The following CNTNAP2 variants were observed in gnomAD, a reference collection of about 807,000 sequenced individuals.
CNTNAP2 encodes the protein contactin-associated protein-like 2.
Under a neutral mutation model 155.2 loss-of-function variants are expected in CNTNAP2, and 98 were observed. The observed-to-expected ratio is 0.63, with a 90% confidence interval of 0.54 to 0.75. CNTNAP2 has a LOEUF of 0.75. Among genes scored for constraint, CNTNAP2 ranks in the 30% least tolerant of loss-of-function variants. CNTNAP2 has a pLI of 0.00. For missense variants in CNTNAP2, 1,727 were observed against 1,688.1 expected (o/e 1.02, Z -0.40); for synonymous variants, 651 against 631.2 (o/e 1.03, Z -0.47).
chr7:147,896,579 C>G (rs1294749656), intron 13 of CNTNAP2, among the ~76,000 whole-genome samples: 1 of 152,152 alleles, frequency 6.6e-6, no homozygotes, highest in East Asian at 1.9e-4. Flanking sequence ...GGAGTCGAAG[C>G]TGTCTTCTTG....
chr7:147,598,769 A>T (rs1800879535), intron 12 of CNTNAP2, among the ~76,000 whole-genome samples: 1 of 152,096 alleles, frequency 6.6e-6, no homozygotes, highest in East Asian at 1.9e-4. Flanking sequence ...AGTGGGAGTT[A>T]ATTGAATCAT....
chr7:146,657,091 T>C (rs1800008500), intron 1 of CNTNAP2, among the ~76,000 whole-genome samples: 1 of 152,202 alleles, frequency 6.6e-6, no homozygotes, highest in African/African-American at 2.4e-5. Flanking sequence ...TCTCTGTGTG[T>C]GTGAATACAT....
chr7:147,132,566 A>C, intron 8 of CNTNAP2, 57 bp downstream of exon 8: 2 of 1,607,972 alleles, frequency 1.2e-6, no homozygotes, highest in African/African-American at 1.3e-5. Flanking sequence ...TCCAGAGTTA[A>C]TGTTGTGCTT....
At chr7:146,265,380 G>C (rs1157136712) in intron 1 of CNTNAP2, among the ~76,000 whole-genome samples, 2 of 151,786 alleles carry the variant, frequency 1.3e-5, no homozygotes, top group Non-Finnish European at 2.9e-5. Context: ...CAACAGAGTT[G>C]GAAATTGTTG....
At chr7:147,126,306 C>T (rs1801233754) in intron 6 of CNTNAP2, among the ~76,000 whole-genome samples, 1 of 151,968 alleles carries the variant, frequency 6.6e-6, no homozygotes. Flanking sequence ...TCTTTAGAGG[C>T]AAGGTTATTG....
At chr7:148,293,400 G>A (rs1415227194) in intron 21 of CNTNAP2, among the ~76,000 whole-genome samples, 2 of 152,106 alleles carry the variant, frequency 1.3e-5, no homozygotes, top group African/African-American at 2.4e-5. Flanking sequence ...TCGGATTAAT[G>A]GTAATAGATG....
chr7:146,354,411 ATTTTTTT>A (rs10641636), intron 1 of CNTNAP2, among the ~76,000 whole-genome samples: 1 of 135,346 alleles, frequency 7.4e-6, no homozygotes, highest in East Asian at 2.2e-4. Flanking sequence ...TCTTGTTAGT[ATTTTTTT>A]TTTTTTTTTT....
intron 15 of CNTNAP2, among the ~76,000 whole-genome samples, chr7:148,085,333 A>G (rs907481436): frequency 2.6e-5 from 4 of 152,188 alleles, no homozygotes; most frequent in African/African-American, 9.7e-5. Context: ...TTGAGCTTCA[A>G]ATGTGAATTT....
intron 9 of CNTNAP2, among the ~76,000 whole-genome samples, chr7:147,369,671 G>T (rs1230224602): frequency 6.6e-6 from 1 of 152,124 alleles, no homozygotes; most frequent in African/African-American, 2.4e-5. Context: ...TGTAAATGAG[G>T]GAACATACTC....
At chr7:147,392,321 T>C (rs1291695251) in intron 9 of CNTNAP2, among the ~76,000 whole-genome samples, 1 of 151,912 alleles carries the variant, frequency 6.6e-6, no homozygotes, top group East Asian at 1.9e-4. Context: ...TTCTTTTTTT[T>C]TTTGGTACTA....
At chr7:148,383,923 A>C in intron 22 of CNTNAP2, 35 bp downstream of exon 22, 1 of 1,597,542 alleles carries the variant, frequency 6.3e-7, no homozygotes. Context: ...AGGTTGCTTC[A>C]TTTCTTTAAA....
At chr7:148,043,147 G>A (rs1802709231) in intron 15 of CNTNAP2, among the ~76,000 whole-genome samples, 1 of 152,120 alleles carries the variant, frequency 6.6e-6, no homozygotes. Context: ...CCACCTCCCA[G>A]TGAGTCACAG....
intron 21 of CNTNAP2, among the ~76,000 whole-genome samples, chr7:148,326,161 T>G (rs1407484508): frequency 5.9e-5 from 9 of 152,140 alleles, no homozygotes; most frequent in Non-Finnish European, 8.8e-5. Flanking sequence ...TTAAGTTCTC[T>G]GGGTGATTGT....
At chr7:148,111,770 C>T (rs1804359005) in intron 15 of CNTNAP2, among the ~76,000 whole-genome samples, 1 of 152,182 alleles carries the variant, frequency 6.6e-6, no homozygotes, top group African/African-American at 2.4e-5. Context: ...GACAGCCTGA[C>T]AATTTTCTTT....
intron 3 of CNTNAP2, among the ~76,000 whole-genome samples, chr7:146,986,916 C>G (rs945913803): frequency 6.6e-6 from 1 of 151,742 alleles, no homozygotes; most frequent in Non-Finnish European, 1.5e-5. Flanking sequence ...TTTACTAGAT[C>G]ATTCTTATGA....
chr7:147,498,034 C>T (rs10245926), intron 11 of CNTNAP2, among the ~76,000 whole-genome samples: 43,527 of 151,908 alleles, frequency 0.29, 6,366 homozygotes, highest in East Asian at 0.43. Context: ...GAGAGAAGTA[C>T]TGGGATTGCA....
At chr7:148,203,944 T>C (rs1381839607) in intron 18 of CNTNAP2, among the ~76,000 whole-genome samples, 3 of 152,102 alleles carry the variant, frequency 2.0e-5, no homozygotes, top group Non-Finnish European at 4.4e-5. Context: ...CAGCATTCAG[T>C]AAACATCTTT....
intron 8 of CNTNAP2, among the ~76,000 whole-genome samples, chr7:147,267,469 T>A (rs1181864698): frequency 6.6e-6 from 1 of 152,214 alleles, no homozygotes; most frequent in African/African-American, 2.4e-5. Flanking sequence ...TTCATGTTTT[T>A]GGTACGCATC....
At chr7:147,401,033 A>G (rs1796903775) in intron 10 of CNTNAP2, among the ~76,000 whole-genome samples, 1 of 152,182 alleles carries the variant, frequency 6.6e-6, no homozygotes, top group African/African-American at 2.4e-5. Flanking sequence ...TTTGGAGTGT[A>G]TTAAGTTGCA....
Sources: gnomAD v4.1 joint callset for allele counts (sites outside exome capture counted in the v4.1 genomes callset) on GRCh38, gnomAD v4.1.1 for gene constraint, MANE v1.5 for transcripts, NCBI Gene and HGNC (gene_info 2026-07-23, HGNC 2026-07-21) for gene names.